The following APP variants were observed in gnomAD, a reference collection of about 807,000 sequenced individuals.
APP encodes the protein amyloid beta precursor protein.
A neutral mutation model predicts 101.4 loss-of-function variants in APP; 31 were observed. The ratio of observed to expected loss-of-function variants is 0.31; its 90% confidence interval spans 0.23 to 0.41. The LOEUF (loss-of-function observed/expected upper bound fraction) is 0.41, where lower values mean the gene tolerates loss of function less well. APP is among the 10% of genes least tolerant of loss of function. APP has a pLI of 1.00. For missense variants in APP, 839 were observed against 1,003.7 expected, an observed-to-expected ratio of 0.84 and a Z score of 2.22; for synonymous variants, 366 against 364.4, an observed-to-expected ratio of 1.00 and a Z score of -0.05.
chr21:26,021,105 T>C (rs1314085220), intron 6 of APP, among the ~76,000 whole-genome samples: 5 of 145,050 alleles, frequency 3.4e-5, no homozygotes, highest in Non-Finnish European at 7.4e-5. Context: ...TGGAGTGCAA[T>C]GGTGTGATCT....
chr21:25,902,562 G>C (rs1437436520), intron 15 of APP, among the ~76,000 whole-genome samples: 1 of 146,646 alleles, frequency 6.8e-6, no homozygotes, highest in African/African-American at 2.5e-5. Context: ...CGCTGTGTAT[G>C]AAAGGAAGCT....
At chr21:25,893,878 T>C (rs1287160058) in intron 16 of APP, among the ~76,000 whole-genome samples, 1 of 152,218 alleles carries the variant, frequency 6.6e-6, no homozygotes, top group Non-Finnish European at 1.5e-5. Flanking sequence ...GAAAATGCCA[T>C]CTAGGACTTT....
intron 2 of APP, among the ~76,000 whole-genome samples, chr21:26,104,977 A>G (rs12482262): frequency 0.065 from 9,885 of 151,846 alleles, 530 homozygotes; most frequent in East Asian, 0.21. Context: ...AACGCAAAGT[A>G]AAAAATTCAT....
chr21:26,120,449 T>C (rs2062540511), intron 1 of APP, among the ~76,000 whole-genome samples: 1 of 152,166 alleles, frequency 6.6e-6, no homozygotes, highest in Non-Finnish European at 1.5e-5. Context: ...TCACCATGCC[T>C]GGCCATAAAT....
rs538119202 is a variant in APP, at chr21:26,105,612, A to G, written c.225+6367T>C. On this transcript the variant is annotated intron_variant, in intron 2 of 17. Coordinates refer to ENST00000346798, the MANE Select transcript of APP (RefSeq NM_000484.4). ...AGAACTATTCATTATTTCTAATTAT[A>G]AAAGAAAAACACCAGAATAGCTACA... is the stretch of plus-strand genomic sequence containing the variant. Among the ~76,000 whole-genome samples, 122 of 152,322 alleles carry G rather than the reference A, an allele frequency of 8.0e-4. 1 individual carries two copies. Among genetic ancestry groups the G allele is most frequent in the African/African-American group, 2.9e-3 (119 of 41,578 alleles).
chr21:25,918,714 T>C (rs930999959), intron 13 of APP, among the ~76,000 whole-genome samples: 3 of 151,488 alleles, frequency 2.0e-5, no homozygotes, highest in African/African-American at 7.3e-5. Context: ...ATCCCACACC[T>C]GGCTCGGAGG....
Position 26,080,487 on chromosome 21 carries a change from G to A in APP, c.355+9456C>T, listed in dbSNP as rs777298169. On this transcript the variant is annotated intron_variant, in intron 3 of 17. Coordinates refer to ENST00000346798, the MANE Select transcript of APP (RefSeq NM_000484.4). The stretch of plus-strand genomic sequence containing the variant: ...GCTTTTAAAAAATTTCCTGCTTTCC[G>A]CCGGGTTGTGGTGGCTCATGCCTGT... Among the ~76,000 whole-genome samples, 64 of 151,204 alleles carry A rather than the reference G, an allele frequency of 4.2e-4. 1 individual carries two copies. Among genetic ancestry groups the A allele is most frequent in the Admixed American group, 2.5e-3 (38 of 15,184 alleles).
intron 8 of APP, among the ~76,000 whole-genome samples, chr21:25,989,524 C>T (rs936188697): frequency 6.6e-6 from 1 of 152,102 alleles, no homozygotes; most frequent in Non-Finnish European, 1.5e-5. Flanking sequence ...CAGCAATGAC[C>T]GTGGCCATCT....
At chr21:26,045,754 T>C (rs2045580377) in intron 5 of APP, among the ~76,000 whole-genome samples, 1 of 152,178 alleles carries the variant, frequency 6.6e-6, no homozygotes, top group Non-Finnish European at 1.5e-5. Flanking sequence ...CTGGGTTCAA[T>C]ACGGAATTGT....
chr21:25,897,125 T>C (rs933626717), intron 16 of APP, among the ~76,000 whole-genome samples: 4 of 150,846 alleles, frequency 2.7e-5, no homozygotes, highest in Admixed American at 2.6e-4. Flanking sequence ...TACAGCCTCT[T>C]TCTTTTCTTT....
At chr21:26,106,071 T>A (rs2062176501) in intron 2 of APP, among the ~76,000 whole-genome samples, 1 of 152,166 alleles carries the variant, frequency 6.6e-6, no homozygotes, top group East Asian at 1.9e-4. Flanking sequence ...CACTCCCTGA[T>A]AATGCCCATG....
chr21:26,149,457 C>A (rs2063217942), intron 1 of APP, among the ~76,000 whole-genome samples: 1 of 152,174 alleles, frequency 6.6e-6, no homozygotes, highest in Non-Finnish European at 1.5e-5. Context: ...GGCCTCTCAG[C>A]AAACTATTTT....
chr21:26,138,902 A>T (rs1277635841), intron 1 of APP, among the ~76,000 whole-genome samples: 1 of 152,204 alleles, frequency 6.6e-6, no homozygotes, highest in Non-Finnish European at 1.5e-5. Context: ...GAAGAGGAAA[A>T]GGAGGGCTTT....
chr21:26,109,450 G>A (rs2062262005), intron 2 of APP, among the ~76,000 whole-genome samples: 1 of 152,196 alleles, frequency 6.6e-6, no homozygotes, highest in Admixed American at 6.5e-5. Flanking sequence ...ATGTGAACAT[G>A]TGTCTTCTTC....
intron 5 of APP, among the ~76,000 whole-genome samples, chr21:26,044,730 G>C (rs1568902504): frequency 6.6e-6 from 1 of 152,104 alleles, no homozygotes; most frequent in Non-Finnish European, 1.5e-5. Context: ...GTAGGGATGG[G>C]CTTTCTCCAT....
At chr21:26,035,721 CTTGGTGTGGGA>C (rs895860219) in intron 5 of APP, among the ~76,000 whole-genome samples, 17 of 152,030 alleles carry the variant, frequency 1.1e-4, no homozygotes, top group African/African-American at 4.1e-4. Context: ...CAGAGAATGG[CTTGGTGTGGGA>C]GAAGAAAGCA....
At chr21:26,139,518 TA>T (rs1569023250) in intron 1 of APP, among the ~76,000 whole-genome samples, 1 of 152,230 alleles carries the variant, frequency 6.6e-6, no homozygotes, top group East Asian at 1.9e-4. Context: ...ACTATGTGTT[TA>T]TACTATGGCT....
At chr21:25,944,285 C>T (rs1433245305) in intron 13 of APP, among the ~76,000 whole-genome samples, 1 of 152,156 alleles carries the variant, frequency 6.6e-6, no homozygotes, top group Non-Finnish European at 1.5e-5. Context: ...GTTTCATGCT[C>T]GAAGTCCAAA....
At chr21:25,931,826 G>A (rs2040162666) in intron 13 of APP, among the ~76,000 whole-genome samples, 1 of 152,150 alleles carries the variant, frequency 6.6e-6, no homozygotes, top group Non-Finnish European at 1.5e-5. Context: ...AGAATATTGG[G>A]TGGAGCCAAT....
Sources: gnomAD v4.1 joint callset for allele counts (sites outside exome capture counted in the v4.1 genomes callset) on GRCh38, gnomAD v4.1.1 for gene constraint, MANE v1.5 for transcripts, NCBI Gene and HGNC (gene_info 2026-07-23, HGNC 2026-07-21) for gene names.